Variants in VIPR1 observed in about 807,000 individuals in gnomAD.
VIPR1 encodes vasoactive intestinal polypeptide receptor 1.
In VIPR1, 59 loss-of-function variants were observed where a neutral mutation model predicts 58.8. The observed-to-expected ratio is 1.00, with a 90% CI of 0.81 to 1.25. The LOEUF is 1.25. VIPR1 is among the 50% of genes most tolerant of loss of function. The pLI is 0.00. For synonymous variants in VIPR1, 251 were observed against 242.1 expected (o/e 1.04, Z -0.34); for missense variants, 626 against 602.7 (o/e 1.04, Z -0.40).
intron 4 of VIPR1, among the ~76,000 whole-genome samples, chr3:42,526,799 G>A (rs143037195): frequency 6.6e-6 from 1 of 152,278 alleles, no homozygotes; most frequent in Non-Finnish European, 1.5e-5. Flanking sequence ...CCATGGGGAG[G>A]GCATCAGGAG....
chr3:42,536,875 G>A lies in VIPR1; in HGVS notation c.*594G>A, dbSNP rs1701881654. On this transcript the variant is annotated 3_prime_UTR_variant, in exon 13 of 13. Coordinates refer to ENST00000325123, the MANE Select transcript of VIPR1 (RefSeq NM_004624.4). ...GGTTATTCTGGAGTTTTTGTTTGGAGAGCACACCTATCTTAGTGGTTCCCC... is the reference window on the plus strand; with the variant it reads ...GGTTATTCTGGAGTTTTTGTTTGGAAAGCACACCTATCTTAGTGGTTCCCC... 1 of 152,242 alleles carries A rather than the reference G, an allele frequency of 6.6e-6. No individual in the cohort carries two copies. The highest frequency in any genetic ancestry group is 2.4e-5 in the African/African-American group (1 of 41,446). 9.4% of individuals were successfully genotyped at this position (152,242 alleles called of 1,614,324 possible).
intron 1 of VIPR1, chr3:42,492,452 C>T (rs536230216): frequency 2.6e-5 from 4 of 152,408 alleles, no homozygotes; most frequent in East Asian, 3.9e-4. Flanking sequence ...GAGAGTGCTC[C>T]TGGGGCCTCT....
chr3:42,499,861 A>G (rs1032557301), upstream of VIPR1, among the ~76,000 whole-genome samples: 21 of 152,222 alleles, frequency 1.4e-4, no homozygotes, highest in African/African-American at 5.1e-4. Context: ...GGACTCCCCA[A>G]GAGTGGGCCC....
chr3:42,513,903 A>C (rs1188927886), intron 2 of VIPR1, 49 bp downstream of exon 2: 4 of 1,527,364 alleles, frequency 2.6e-6, no homozygotes, highest in Middle Eastern at 3.4e-4. Flanking sequence ...AGGGAGCCCA[A>C]GATTCCTCAT....
intron 2 of VIPR1, among the ~76,000 whole-genome samples, chr3:42,518,490 G>T (rs934439202): frequency 6.6e-6 from 1 of 152,206 alleles, no homozygotes; most frequent in Non-Finnish European, 1.5e-5. Context: ...TGTAATCCCA[G>T]CACTTTGGGA....
chr3:42,494,041 C>T (rs60965851), intron 1 of VIPR1, among the ~76,000 whole-genome samples: 8,518 of 152,300 alleles, frequency 0.056, 273 homozygotes, highest in South Asian at 0.14. Context: ...CAGCATCCTG[C>T]CTAAGGCACA....
chr3:42,533,675 G>A (rs1701697701), intron 10 of VIPR1: 1 of 152,178 alleles, frequency 6.6e-6, no homozygotes, highest in South Asian at 2.1e-4. Context: ...GAAGCTGTCA[G>A]CTCCCACTCT....
intron 10 of VIPR1, chr3:42,533,673 C>G (rs1701697570): frequency 6.6e-6 from 1 of 152,204 alleles, no homozygotes; most frequent in African/African-American, 2.4e-5. Flanking sequence ...GAGAAGCTGT[C>G]AGCTCCCACT....
At position 42,513,866 on chromosome 3, in the gene VIPR1, A is replaced by C. The variant is rs1009106037; in HGVS notation, c.184+12A>C. On this transcript the variant is annotated intron_variant, in intron 2 of 12. Transcript: ENST00000325123. ...GAATGAGACAATAGGTGAGGCCCCC[A>C]TGGGCAGAGAGGGGCTGCATGCCCC... 1 of 1,551,068 alleles carries C rather than the reference A, an allele frequency of 6.4e-7. No homozygotes were observed. The highest frequency in any genetic ancestry group is 8.7e-7 in the Non-Finnish European group (1 of 1,146,596).
At chr3:42,505,493 G>C (rs1700079660) in intron 1 of VIPR1, among the ~76,000 whole-genome samples, 2 of 152,212 alleles carry the variant, frequency 1.3e-5, no homozygotes, top group South Asian at 4.1e-4. Context: ...AGCTGCCCAG[G>C]CCCTCTTGGC....
intron 1 of VIPR1, chr3:42,507,958 A>AAAAAAAAAAAAAG (rs1700194644): frequency 1.4e-5 from 1 of 72,096 alleles, no homozygotes; most frequent in Non-Finnish European, 4.3e-5. Context: ...GAGGCTGGCA[A>AAAAAAAAAAAAAG]AAAAAAAAAA....
intron 10 of VIPR1, 191 bp downstream of exon 10, chr3:42,532,524 T>G: frequency 1.5e-6 from 1 of 647,242 alleles, no homozygotes; most frequent in Non-Finnish European, 2.8e-6. Context: ...CTCACCAGGC[T>G]GCACTCAGAG....
At chr3:42,533,674 AG>A (rs1701697839) in intron 10 of VIPR1, 1 of 152,220 alleles carries the variant, frequency 6.6e-6, no homozygotes, top group Admixed American at 6.5e-5. Flanking sequence ...AGAAGCTGTC[AG>A]CTCCCACTCT....
chr3:42,508,488 G>A (rs2125637508), intron 1 of VIPR1, among the ~76,000 whole-genome samples: 1 of 152,258 alleles, frequency 6.6e-6, no homozygotes, highest in African/African-American at 2.4e-5. Flanking sequence ...TTTAAAATTA[G>A]TAAAATATAG....
chr3:42,519,650 A>C (rs895469057), intron 3 of VIPR1: 16 of 217,396 alleles, frequency 7.4e-5, no homozygotes, highest in African/African-American at 3.4e-4. Context: ...CAGTCTTTCG[A>C]TGCCTGGAGC....
chr3:42,506,471 T>A (rs1700125205), intron 1 of VIPR1: 2 of 152,292 alleles, frequency 1.3e-5, no homozygotes, highest in African/African-American at 4.8e-5. Flanking sequence ...ATTTTTATTG[T>A]ACCCATTGAA....
chr3:42,510,850 G>A (rs1386108427), intron 1 of VIPR1, among the ~76,000 whole-genome samples: 12 of 152,082 alleles, frequency 7.9e-5, no homozygotes, highest in Non-Finnish European at 2.9e-5. Context: ...TGCTGAGGGG[G>A]CAGAGTTGGC....
chr3:42,526,791 A>G (rs1407240095), intron 4 of VIPR1, among the ~76,000 whole-genome samples: 1 of 152,086 alleles, frequency 6.6e-6, no homozygotes, highest in East Asian at 1.9e-4. Context: ...ACCTGTGTCC[A>G]TGGGGAGGGC....
intron 1 of VIPR1, among the ~76,000 whole-genome samples, chr3:42,503,983 G>T (rs533160120): frequency 6.6e-5 from 10 of 152,244 alleles, no homozygotes; most frequent in Non-Finnish European, 1.3e-4. Flanking sequence ...AGCACCCTGG[G>T]AATGGGAAGC....
Sources: allele counts gnomAD v4.1 joint callset (sites outside exome capture counted in the v4.1 genomes callset), GRCh38; gene constraint gnomAD v4.1.1; transcripts MANE v1.5; gene names NCBI Gene and HGNC (gene_info 2026-07-23, HGNC 2026-07-21).